The following PCDHA2 variants were observed in gnomAD, a reference collection of about 807,000 sequenced individuals.
The protein encoded by PCDHA2 is protocadherin alpha 2, also known as protocadherin alpha-2.
PCDHA2 carries 58 observed loss-of-function variants against 66.0 expected under a neutral mutation model. The observed-to-expected ratio is 0.88, with a 90% CI of 0.71 to 1.09. PCDHA2 has a LOEUF of 1.09. Among genes scored for constraint, PCDHA2 ranks in the 50% least tolerant of loss-of-function variants. PCDHA2 has a pLI of 0.00. For synonymous variants in PCDHA2, 634 were observed against 554.0 expected (o/e 1.14, Z -2.03); for missense variants, 1,267 against 1,242.3 (o/e 1.02, Z -0.30).
chr5:140,854,133 G>A (rs1220974907), intron 1 of PCDHA2: 1 of 410,736 alleles, frequency 2.4e-6, no homozygotes, highest in Non-Finnish European at 3.2e-6. Flanking sequence ...CTGCATTTCA[G>A]CCCGGGTGAC....
intron 1 of PCDHA2, chr5:140,876,833 C>T: frequency 3.1e-6 from 5 of 1,614,176 alleles, no homozygotes; most frequent in Non-Finnish European, 4.2e-6. Context: ...AATGCGCCTG[C>T]GTTCGCGCAG....
chr5:140,796,580 A>G lies in PCDHA2; in HGVS notation c.1616A>G (p.Asp539Gly). The change falls in exon 1 of 4, where the codon GAT becomes GGT. Residue 539 changes from aspartate to glycine, a missense_variant. Coordinates refer to ENST00000526136, the MANE Select transcript of PCDHA2 (RefSeq NM_018905.3). ...ELLQFQVSAR[D>G]AGVPPLGSNV... Reference sequence around the variant, plus strand: ...CTGCAGTTCCAGGTGAGCGCGCGGGATGCGGGCGTGCCGCCTCTGGGCAGC... The same window carrying G: ...CTGCAGTTCCAGGTGAGCGCGCGGGGTGCGGGCGTGCCGCCTCTGGGCAGC... The G allele has an allele frequency of 6.2e-7, 1 of 1,613,244 alleles. No homozygotes were observed. Among genetic ancestry groups the G allele is most frequent in the South Asian group, 1.1e-5 (1 of 91,046 alleles).
intron 1 of PCDHA2, among the ~76,000 whole-genome samples, chr5:140,946,909 C>G (rs1290458457): frequency 6.6e-6 from 1 of 151,234 alleles, no homozygotes; most frequent in Non-Finnish European, 1.5e-5. Flanking sequence ...AGAATAAGTT[C>G]TGGTGTTTTA....
intron 1 of PCDHA2, among the ~76,000 whole-genome samples, chr5:140,953,460 G>A (rs1025295552): frequency 1.3e-5 from 2 of 152,116 alleles, no homozygotes; most frequent in Non-Finnish European, 2.9e-5. Context: ...ATCTGTCAGA[G>A]TTTTAACTTC....
chr5:140,863,392 C>A (rs782692076), intron 1 of PCDHA2: 3 of 921,584 alleles, frequency 3.3e-6, no homozygotes, highest in Non-Finnish European at 3.4e-6. Context: ...CTCGTGCATG[C>A]CGGGCAAGCC....
intron 1 of PCDHA2, chr5:140,843,260 C>T: frequency 6.3e-7 from 1 of 1,596,130 alleles, no homozygotes; most frequent in Non-Finnish European, 8.6e-7. Flanking sequence ...GCGCCACCGT[C>T]TGCTGGTCCT....
chr5:140,987,850 A>G lies in PCDHA2; in HGVS notation c.2536+5287A>G, dbSNP rs115051779. Among the ~76,000 whole-genome samples, 1,266 of 152,242 alleles carry G rather than the reference A, an allele frequency of 8.3e-3. 21 individuals are homozygous for G. Among genetic ancestry groups the G allele is most frequent in the African/African-American group, 0.028 (1,145 of 41,532 alleles). On this transcript the variant is annotated intron_variant, in intron 3 of 3. Coordinates refer to ENST00000526136, the MANE Select transcript of PCDHA2 (RefSeq NM_018905.3). ...GGGATTGCTTTTGCCCTGATTTGCCACATCTCTTTACTCTGTGGAAAATGG... is the reference window on the plus strand; with the variant it reads ...GGGATTGCTTTTGCCCTGATTTGCCGCATCTCTTTACTCTGTGGAAAATGG...
Position 140,912,662 on chromosome 5 carries a change from T to C in PCDHA2, c.2389-66287T>C, listed in dbSNP as rs145118694. 1.9e-3 allele frequency among the ~76,000 whole-genome samples: 286 copies of C among 152,264 alleles called. 1 individual carries two copies. The highest frequency in any genetic ancestry group is 6.7e-3 in the African/African-American group (280 of 41,548). Reference sequence around the variant, plus strand: ...CTATGTTGAATAGAAGTGGTGAAAATGGGCATCCTTGACTTATTCCAGGTC... The same window carrying C: ...CTATGTTGAATAGAAGTGGTGAAAACGGGCATCCTTGACTTATTCCAGGTC... On this transcript the variant is annotated intron_variant, in intron 1 of 3. Coordinates refer to ENST00000526136, the MANE Select transcript of PCDHA2 (RefSeq NM_018905.3).
intron 1 of PCDHA2, among the ~76,000 whole-genome samples, chr5:140,905,373 G>C (rs556428182): frequency 3.1e-4 from 47 of 152,236 alleles, no homozygotes; most frequent in Non-Finnish European, 4.6e-4. Context: ...CTGGTTCTCT[G>C]TTCTGTTTCA....
intron 3 of PCDHA2, among the ~76,000 whole-genome samples, chr5:140,996,834 A>G (rs527764387): frequency 1.7e-4 from 26 of 152,374 alleles, no homozygotes; most frequent in Middle Eastern, 3.4e-3. Flanking sequence ...CCAATAATTT[A>G]GCGTGCATCT....
At chr5:140,926,517 C>G (rs1428470636) in intron 1 of PCDHA2, 1 of 201,972 alleles carries the variant, frequency 5.0e-6, no homozygotes. Flanking sequence ...CCAGGCTCCG[C>G]CCTGCGCCCG....
intron 1 of PCDHA2, chr5:140,809,708 C>A: frequency 9.3e-7 from 1 of 1,072,272 alleles, no homozygotes. Flanking sequence ...TAACTAAAGT[C>A]TTTTGGAATT....
chr5:140,963,032 T>C (rs541613535), intron 1 of PCDHA2, among the ~76,000 whole-genome samples: 8 of 152,290 alleles, frequency 5.3e-5, no homozygotes, highest in African/African-American at 1.9e-4. Context: ...CAATTAACAT[T>C]TATTGAGAGT....
At chr5:140,879,229 T>C (rs1415984062) in intron 1 of PCDHA2, among the ~76,000 whole-genome samples, 2 of 152,102 alleles carry the variant, frequency 1.3e-5, no homozygotes, top group African/African-American at 2.4e-5. Context: ...AAAAGACATA[T>C]ACAAGAGGCA....
intron 1 of PCDHA2, among the ~76,000 whole-genome samples, chr5:140,833,087 TAG>T (rs1281254791): frequency 6.6e-6 from 1 of 152,190 alleles, no homozygotes; most frequent in Non-Finnish European, 1.5e-5. Flanking sequence ...CTTTGAGTAC[TAG>T]ACGAGTAATT....
intron 1 of PCDHA2, chr5:140,871,378 T>C: frequency 6.2e-7 from 1 of 1,614,188 alleles, no homozygotes; most frequent in South Asian, 1.1e-5. Context: ...GAGGGTGTGC[T>C]CTGAGGAGGG....
At chr5:140,829,054 C>T in intron 1 of PCDHA2, 1 of 1,612,720 alleles carries the variant, frequency 6.2e-7, no homozygotes, top group Middle Eastern at 1.7e-4. Flanking sequence ...TCCTCATTGA[C>T]GCCACGGACA....
At chr5:140,954,427 C>T (rs545024696) in intron 1 of PCDHA2, among the ~76,000 whole-genome samples, 1 of 152,200 alleles carries the variant, frequency 6.6e-6, no homozygotes, top group Admixed American at 6.5e-5. Context: ...CCTTTTTCTC[C>T]ATCTGTTGTT....
chr5:140,999,751 G>A (rs1167424188), intron 3 of PCDHA2, among the ~76,000 whole-genome samples: 1 of 152,150 alleles, frequency 6.6e-6, no homozygotes, highest in Non-Finnish European at 1.5e-5. Flanking sequence ...TGGGTTCGCA[G>A]CACATGATGT....
Sources: gnomAD v4.1 joint callset for allele counts (sites outside exome capture counted in the v4.1 genomes callset) on GRCh38, gnomAD v4.1.1 for gene constraint, MANE v1.5 for transcripts, NCBI Gene and HGNC (gene_info 2026-07-23, HGNC 2026-07-21) for gene names.